SLC35H1: variants seen among roughly 807,000 people sequenced by gnomAD.
SLC35H1 encodes the protein solute carrier family 35 member H1, also known as ovarian cancer-overexpressed gene 1 protein.
the SLC35H1 span, among the ~76,000 whole-genome samples, chr20:46,353,825 G>A: frequency 6.6e-6 from 1 of 151,958 alleles, no homozygotes; most frequent in African/African-American, 2.4e-5. Context: ...GTACAAGGGG[G>A]CATAATGAAG....
chr20:46,356,260 A>G, the SLC35H1 span, among the ~76,000 whole-genome samples: 1 of 152,168 alleles, frequency 6.6e-6, no homozygotes, highest in Admixed American at 6.5e-5. Context: ...GGCTGCGTGT[A>G]CCACCCACCA....
chr20:46,358,989 C>T, the SLC35H1 span: 1 of 562,636 alleles, frequency 1.8e-6, no homozygotes, highest in Non-Finnish European at 3.2e-6. Flanking sequence ...CATGTCAGGC[C>T]ACTGCTTAAA....
At chr20:46,353,454 C>T in the SLC35H1 span, among the ~76,000 whole-genome samples, 2 of 152,194 alleles carry the variant, frequency 1.3e-5, no homozygotes, top group Non-Finnish European at 2.9e-5. Context: ...GGGCCCAGAA[C>T]TGGGCACAAG....
the SLC35H1 span, chr20:46,350,963 G>T: frequency 9.1e-3 from 14,259 of 1,573,558 alleles, 158 homozygotes; most frequent in South Asian, 0.038. Flanking sequence ...GGTGGAAGGT[G>T]GGGGCACTAG....
At chr20:46,355,035 G>C in the SLC35H1 span, 1 of 1,613,834 alleles carries the variant, frequency 6.2e-7, no homozygotes, top group East Asian at 2.2e-5. This position sits in a 1 kb window ranked among gnomAD's most constrained non-coding sequence, Gnocchi z 4.8. Flanking sequence ...GCCTGTGCCG[G>C]GGTTCCTCTC....
At chr20:46,357,729 C>A in the SLC35H1 span, 1 of 1,614,140 alleles carries the variant, frequency 6.2e-7, no homozygotes, top group Non-Finnish European at 8.5e-7. Context: ...AGAGGAAGAT[C>A]ACGGCCAGGT....
At chr20:46,361,161 C>T in the SLC35H1 span, among the ~76,000 whole-genome samples, 2 of 152,150 alleles carry the variant, frequency 1.3e-5, no homozygotes, top group Admixed American at 1.3e-4. Context: ...GTGTCTGAAA[C>T]TGACTCGTGT....
chr20:46,360,804 C>A, the SLC35H1 span, among the ~76,000 whole-genome samples: 3 of 152,226 alleles, frequency 2.0e-5, no homozygotes, highest in Non-Finnish European at 4.4e-5. Context: ...CCCGCCTTGC[C>A]TCCCAAAGTG....
the SLC35H1 span, chr20:46,355,831 A>G: frequency 1.2e-6 from 2 of 1,614,152 alleles, no homozygotes; most frequent in Non-Finnish European, 1.7e-6. This position sits in a 1 kb window ranked among gnomAD's most constrained non-coding sequence, Gnocchi z 4.8. Context: ...ATCAGAGAGA[A>G]GATCAAGATG....
the SLC35H1 span, among the ~76,000 whole-genome samples, chr20:46,351,128 TAA>T: frequency 6.6e-6 from 1 of 152,182 alleles, no homozygotes; most frequent in African/African-American, 2.4e-5. Flanking sequence ...CTGTCAGGAA[TAA>T]AAGAGGCAAA....
the SLC35H1 span, chr20:46,347,069 C>A: frequency 3.9e-5 from 6 of 152,306 alleles, no homozygotes; most frequent in Admixed American, 1.3e-4. Context: ...GCACTGTGTG[C>A]TTTACCTACA....
At chr20:46,358,514 G>C in the SLC35H1 span, 2 of 1,614,162 alleles carry the variant, frequency 1.2e-6, no homozygotes, top group Non-Finnish European at 1.7e-6. Flanking sequence ...CATTCGTGGC[G>C]GCTGCAGCAC....
chr20:46,357,537 C>T, the SLC35H1 span: 1 of 1,492,922 alleles, frequency 6.7e-7, no homozygotes, highest in East Asian at 2.3e-5. Flanking sequence ...ACTTGGCTTC[C>T]AGACATGCGG....
At chr20:46,352,306 T>C in the SLC35H1 span, 35 of 1,261,968 alleles carry the variant, frequency 2.8e-5, no homozygotes, top group Admixed American at 3.8e-5. Flanking sequence ...CACAAGATCT[T>C]CCACTGTAGT....
chr20:46,359,480 G>C, the SLC35H1 span, among the ~76,000 whole-genome samples: 2 of 152,204 alleles, frequency 1.3e-5, no homozygotes, highest in Non-Finnish European at 2.9e-5. Flanking sequence ...CAGAGAGCAG[G>C]CATGCGATTT....
chr20:46,356,473 TG>T, the SLC35H1 span: 1 of 1,158,092 alleles, frequency 8.6e-7, no homozygotes, highest in Non-Finnish European at 1.3e-6. Context: ...GGTCCCAGAG[TG>T]GTGGAGTGGC....
chr20:46,350,786 A>G, the SLC35H1 span: 1 of 1,614,150 alleles, frequency 6.2e-7, no homozygotes, highest in Non-Finnish European at 8.5e-7. Flanking sequence ...CTTTGAGGGC[A>G]ACGTGGAGGG....
chr20:46,360,494 T>C, the SLC35H1 span, among the ~76,000 whole-genome samples: 6 of 152,232 alleles, frequency 3.9e-5, no homozygotes, highest in Admixed American at 3.9e-4. Context: ...ATATTTTGTT[T>C]TACTATCAAT....
chr20:46,353,449 C>A, the SLC35H1 span, among the ~76,000 whole-genome samples: 1 of 152,132 alleles, frequency 6.6e-6, no homozygotes, highest in Non-Finnish European at 1.5e-5. Flanking sequence ...AAGGGGGGCC[C>A]AGAACTGGGC....
Sources: gnomAD v4.1 joint callset for allele counts (sites outside exome capture counted in the v4.1 genomes callset) on GRCh38, gnomAD v4.1.1 for gene constraint, Gnocchi (gnomAD v3.1) non-coding constraint, MANE v1.5 for transcripts, NCBI Gene and HGNC (gene_info 2026-07-23, HGNC 2026-07-21) for gene names.